Variants in EVA1A observed in about 807,000 individuals in gnomAD.
EVA1A encodes the protein eva-1 homolog A, regulator of programmed cell death.
In EVA1A, 7 loss-of-function variants were observed where a neutral mutation model predicts 9.8. The ratio of observed to expected loss-of-function variants is 0.71; its 90% CI spans 0.41 to 1.34. The LOEUF is 1.34. Ranked by LOEUF, EVA1A falls within the 40% of genes most tolerant of loss-of-function variation. The pLI is 0.01. For missense variants in EVA1A, 206 were observed against 205.9 expected (o/e 1.00, Z 0.00); for synonymous variants, 90 against 85.6 (o/e 1.05, Z -0.28).
chr2:75,522,251 A>C (rs1675256477), intron 2 of EVA1A, 114 bp downstream of exon 2: 1 of 152,182 alleles, frequency 6.6e-6, no homozygotes. Context: ...AAAGTGTCCA[A>C]ATATTCTTCT....
chr2:75,492,936 A>C lies in EVA1A; in HGVS notation c.*300T>G, dbSNP rs545560817. 5 of 380,210 alleles carry C rather than the reference A, an allele frequency of 1.3e-5. No homozygotes were observed. The highest frequency in any genetic ancestry group is 2.4e-5 in the Non-Finnish European group (5 of 211,562). The allele number at this position is 380,210 out of a possible 1,614,324, so 23.6% of individuals were successfully genotyped here. On this transcript the variant is annotated 3_prime_UTR_variant, in exon 4 of 4. Transcript: ENST00000393913. ...AAGGAAGTCTGCTGAAACTTCTGAG[A>C]TCCTCAGAAATCAAGAGAAACCACA...
At chr2:75,500,496 T>C (rs563324622) in intron 3 of EVA1A, among the ~76,000 whole-genome samples, 17 of 152,178 alleles carry the variant, frequency 1.1e-4, no homozygotes, top group African/African-American at 3.9e-4. Context: ...CAATAAGTGA[T>C]ATTTATTCAT....
chr2:75,546,921 A>C (rs1416984142), intron 1 of EVA1A, among the ~76,000 whole-genome samples: 4 of 151,684 alleles, frequency 2.6e-5, no homozygotes, highest in East Asian at 1.9e-4. Context: ...AAAAAAAAAA[A>C]AAAAAACACC....
chr2:75,533,862 A>C (rs1211076474), intron 1 of EVA1A, among the ~76,000 whole-genome samples: 2 of 151,520 alleles, frequency 1.3e-5, no homozygotes, highest in Non-Finnish European at 2.9e-5. Context: ...CCCAGGCTGG[A>C]GTGCAGTGGC....
At chr2:75,539,886 GA>G (rs1439914950) in intron 1 of EVA1A, among the ~76,000 whole-genome samples, 7 of 152,256 alleles carry the variant, frequency 4.6e-5, no homozygotes, top group Non-Finnish European at 8.8e-5. Flanking sequence ...ATAAAGGTAG[GA>G]GGCAATGTTG....
At chr2:75,515,025 C>T (rs530736311) in intron 3 of EVA1A, among the ~76,000 whole-genome samples, 17 of 152,320 alleles carry the variant, frequency 1.1e-4, no homozygotes, top group African/African-American at 3.1e-4. Flanking sequence ...AAATGTTAAT[C>T]GCATTGCAGT....
chr2:75,533,775 AAAT>A (rs1037701103), intron 1 of EVA1A, among the ~76,000 whole-genome samples: 3 of 151,390 alleles, frequency 2.0e-5, no homozygotes, highest in Non-Finnish European at 4.4e-5. Flanking sequence ...AATCTCTAAA[AAAT>A]AATAATTATT....
intron 1 of EVA1A, among the ~76,000 whole-genome samples, chr2:75,539,151 T>C (rs1676023755): frequency 6.6e-6 from 1 of 152,246 alleles, no homozygotes; most frequent in African/African-American, 2.4e-5. Flanking sequence ...TGAGAAATAT[T>C]GATCTAAAAG....
At chr2:75,550,931 G>A (rs1441360725) in intron 1 of EVA1A, among the ~76,000 whole-genome samples, 8 of 152,156 alleles carry the variant, frequency 5.3e-5, no homozygotes, top group Admixed American at 5.2e-4. Flanking sequence ...AGACCAGCCT[G>A]GCCAGCATGG....
upstream of EVA1A, chr2:75,561,000 GA>G (rs796662814): frequency 3.3e-5 from 5 of 152,320 alleles, no homozygotes; most frequent in African/African-American, 1.2e-4. Flanking sequence ...CTTGGCTCCG[GA>G]CCTGCCCTCC....
chr2:75,543,874 A>G (rs1676228880), intron 1 of EVA1A, among the ~76,000 whole-genome samples: 1 of 152,224 alleles, frequency 6.6e-6, no homozygotes, highest in African/African-American at 2.4e-5. Context: ...TAAAGATCCC[A>G]CCTGAGACCA....
intron 1 of EVA1A, among the ~76,000 whole-genome samples, chr2:75,553,227 C>CCA (rs1229367930): frequency 6.6e-6 from 1 of 152,208 alleles, no homozygotes; most frequent in Non-Finnish European, 1.5e-5. Context: ...GTCTTGGACT[C>CCA]ACCTGCTCTC....
intron 1 of EVA1A, among the ~76,000 whole-genome samples, chr2:75,551,639 T>C (rs1676528120): frequency 6.6e-6 from 1 of 152,218 alleles, no homozygotes; most frequent in African/African-American, 2.4e-5. Flanking sequence ...CCTAGGTCCA[T>C]GACTTATAGC....
chr2:75,552,486 CA>C (rs1200544584), intron 1 of EVA1A, among the ~76,000 whole-genome samples: 1 of 152,126 alleles, frequency 6.6e-6, no homozygotes, highest in Non-Finnish European at 1.5e-5. Context: ...CAAATCATGC[CA>C]ACTTTATTGC....
intron 1 of EVA1A, among the ~76,000 whole-genome samples, chr2:75,522,707 T>C (rs1016691849): frequency 1.3e-5 from 2 of 152,216 alleles, no homozygotes; most frequent in Non-Finnish European, 2.9e-5. Flanking sequence ...CCCAGGGTCA[T>C]ACCAGAAAGG....
chr2:75,554,760 C>T (rs1325909343), intron 1 of EVA1A, among the ~76,000 whole-genome samples: 2 of 152,134 alleles, frequency 1.3e-5, no homozygotes, highest in Admixed American at 6.5e-5. Context: ...TATAATTGAT[C>T]TCTAGGAACC....
intron 1 of EVA1A, among the ~76,000 whole-genome samples, chr2:75,546,113 A>G (rs1468110453): frequency 6.6e-6 from 1 of 152,104 alleles, no homozygotes; most frequent in Non-Finnish European, 1.5e-5. Flanking sequence ...AGGTCATGGG[A>G]GGCCTGGTGT....
intron 1 of EVA1A, among the ~76,000 whole-genome samples, chr2:75,547,425 C>T (rs1416807431): frequency 2.6e-5 from 4 of 152,302 alleles, no homozygotes; most frequent in East Asian, 3.9e-4. Context: ...GGAAATACAA[C>T]TTAACATTCT....
chr2:75,536,201 G>A (rs1409171393), intron 1 of EVA1A, among the ~76,000 whole-genome samples: 1 of 152,074 alleles, frequency 6.6e-6, no homozygotes, highest in South Asian at 2.1e-4. Context: ...AGCCAGGCAT[G>A]GTGCACATCT....
Sources: allele counts gnomAD v4.1 joint callset (sites outside exome capture counted in the v4.1 genomes callset), GRCh38; gene constraint gnomAD v4.1.1; transcripts MANE v1.5; gene names NCBI Gene and HGNC (gene_info 2026-07-23, HGNC 2026-07-21).